The following UBAP1 variants were observed in gnomAD, a reference collection of about 807,000 sequenced individuals.
UBAP1 encodes the protein ubiquitin associated protein 1.
In UBAP1, 5 loss-of-function variants were observed where a neutral mutation model predicts 39.0. The ratio of observed to expected loss-of-function variants is 0.13; its 90% CI spans 0.07 to 0.27. The LOEUF (loss-of-function observed/expected upper bound fraction) is 0.27. UBAP1 is among the 10% of genes least tolerant of loss of function. UBAP1 has a pLI of 1.00. For missense variants in UBAP1, 490 were observed against 608.1 expected, an observed-to-expected ratio of 0.81 and a Z score of 2.04; for synonymous variants, 211 against 225.1, an observed-to-expected ratio of 0.94 and a Z score of 0.56.
intron 3 of UBAP1, among the ~76,000 whole-genome samples, chr9:34,237,968 C>A (rs1833785684): frequency 6.6e-6 from 1 of 152,168 alleles, no homozygotes; most frequent in Non-Finnish European, 1.5e-5. Flanking sequence ...ACATTTTCAT[C>A]ACCCCAAAAG....
intron 1 of UBAP1, among the ~76,000 whole-genome samples, chr9:34,195,738 C>T (rs1398339838): frequency 7.1e-6 from 1 of 141,154 alleles, no homozygotes; most frequent in African/African-American, 2.5e-5. Context: ...GCTGGGATTA[C>T]AGACATGTGC....
intron 1 of UBAP1, among the ~76,000 whole-genome samples, chr9:34,194,160 TTATATTCTCTGGTCATTTTAC>T (rs1419484814): frequency 1.3e-5 from 2 of 152,338 alleles, no homozygotes; most frequent in East Asian, 3.9e-4. Flanking sequence ...CTTCAAATAA[TTATATTCTCTGGTCATTTTAC>T]TAATTTTCTG....
Position 34,250,808 on chromosome 9 carries a change from A to C in UBAP1, c.1368+49A>C, listed in dbSNP as rs79611535. On this transcript the variant is annotated intron_variant, in intron 6 of 6. Coordinates refer to ENST00000297661, the MANE Select transcript of UBAP1 (RefSeq NM_016525.5). ...GAACCCTCTGGAAAAGGAGGGACCA[A>C]GTATCCATCCTGGTTTTCTCCCTTG... 545 of 1,501,108 alleles carry C rather than the reference A, an allele frequency of 3.6e-4. 2 individuals carry two copies. The African/African-American group carries it at 6.3e-3, about 17-fold the overall frequency. The allele number at this position is 1,501,108 out of a possible 1,614,324, so 93.0% of individuals were successfully genotyped here.
intron 2 of UBAP1, among the ~76,000 whole-genome samples, chr9:34,231,763 G>A (rs182593902): frequency 2.2e-4 from 33 of 152,104 alleles, no homozygotes; most frequent in African/African-American, 8.0e-4. Context: ...TTCTGCCTCA[G>A]CCTCCCCAGT....
chr9:34,226,462 C>A (rs1833113380), intron 2 of UBAP1, among the ~76,000 whole-genome samples: 1 of 152,122 alleles, frequency 6.6e-6, no homozygotes, highest in Admixed American at 6.6e-5. Context: ...GTTTTGAACT[C>A]TTGACCTCAG....
intron 1 of UBAP1, among the ~76,000 whole-genome samples, chr9:34,188,330 G>T (rs572229708): frequency 3.3e-4 from 50 of 150,454 alleles, no homozygotes; most frequent in African/African-American, 1.2e-3. Context: ...ACAGAAAAGT[G>T]TAACAGGAAA....
Position 34,220,896 on chromosome 9 carries a change from C to T in UBAP1, c.-7-12C>T. 6.2e-7 allele frequency: 1 copy of T among 1,612,730 alleles called. No individual in the cohort carries two copies. The highest frequency in any genetic ancestry group is 8.5e-7 in the Non-Finnish European group (1 of 1,179,198). On this transcript the variant is annotated splice_polypyrimidine_tract_variant and intron_variant, in intron 1 of 6. Coordinates refer to ENST00000297661, the MANE Select transcript of UBAP1 (RefSeq NM_016525.5). ...GTATAATGTGCCTAAGAAATATTTCCTTGTTTTTCAGGTTCTAAATGGCTT... is the reference window on the plus strand; with the variant it reads ...GTATAATGTGCCTAAGAAATATTTCTTTGTTTTTCAGGTTCTAAATGGCTT...
chr9:34,211,740 T>G (rs1203023488), intron 1 of UBAP1, among the ~76,000 whole-genome samples: 1 of 152,124 alleles, frequency 6.6e-6, no homozygotes, highest in African/African-American at 2.4e-5. Context: ...TTCCCATTCC[T>G]TAACCCATCT....
Position 34,251,476 on chromosome 9 carries a change from A to C in UBAP1, c.1453A>C (p.Asn485His), listed in dbSNP as rs556099212. The C allele has an allele frequency of 6.2e-7, 1 of 1,614,050 alleles. No individual in the cohort carries two copies. The highest frequency in any genetic ancestry group is 1.7e-5 in the Admixed American group (1 of 60,008). Residue 485 changes from asparagine (N) to histidine (H), a missense_variant, in exon 7 of 7, where the codon AAC becomes CAC. Coordinates refer to ENST00000297661, the MANE Select transcript of UBAP1 (RefSeq NM_016525.5). ...KDIKEVLLLH[N>H]NDQDNALEDL... ...CATTAAGGAAGTTTTGCTATTACAC[A>C]ACAATGACCAGGACAATGCTTTGGA...
intron 5 of UBAP1, 31 bp from the exon 6 acceptor site, chr9:34,250,627 T>C: frequency 6.4e-7 from 1 of 1,568,282 alleles, no homozygotes; most frequent in Non-Finnish European, 8.8e-7. Flanking sequence ...AGAGCAGCAG[T>C]AGGTGCTAAA....
chr9:34,212,215 T>G (rs550153770), intron 1 of UBAP1, among the ~76,000 whole-genome samples: 49 of 152,234 alleles, frequency 3.2e-4, no homozygotes, highest in African/African-American at 1.2e-3. Flanking sequence ...TGCACATTTT[T>G]TACATAAGGC....
rs6150983 is a variant in UBAP1 at position 34,231,127 on chromosome 9, ATGTGTGTGTGTGTGTGTGTGTGTGTG to A, written c.35-3065_35-3040del. ...GGGCAAATGTCTCTTTAAAAAAATT[ATGTGTGTGTGTGTGTGTGTGTGTGTG>A]TGTGTGTGTGTGTGTGTGTGTGTTG... On this transcript the variant is annotated intron_variant, in intron 2 of 6. Coordinates refer to ENST00000297661, the MANE Select transcript of UBAP1 (RefSeq NM_016525.5). Among the ~76,000 whole-genome samples the A allele has an allele frequency of 1.0e-4, 14 of 137,120 alleles. No homozygotes were observed. The South Asian group carries it at 2.2e-3, about 21-fold the overall frequency. The allele number at this position is 137,120 out of a possible 152,430, so 90.0% of individuals were successfully genotyped here. A position where few individuals can be genotyped will look rare whatever the true frequency, so the allele number is the denominator to read the frequency against.
At chr9:34,224,501 A>G (rs1382817380) in intron 2 of UBAP1, 2 of 389,738 alleles carry the variant, frequency 5.1e-6, no homozygotes, top group Non-Finnish European at 9.6e-6. Flanking sequence ...GACTGTGTGG[A>G]CGTGGCAGGG....
Position 34,234,309 on chromosome 9 carries a change from C to A in UBAP1, c.128C>A (p.Pro43His), listed in dbSNP as rs752071183. ...KVGLPIGFSL[P>H]DCLQVVREVQ... Reference sequence around the variant, plus strand: ...GGTCTACCTATTGGCTTCTCCTTGCCTGATTGTTTGCAGGTTGTCAGAGAA... The same window carrying A: ...GGTCTACCTATTGGCTTCTCCTTGCATGATTGTTTGCAGGTTGTCAGAGAA... The change falls in exon 3 of 7, where the codon CCT becomes CAT. Residue 43 changes from proline to histidine, a missense_variant. Pro to His is a moderately conservative substitution (Grantham distance 77, BLOSUM62 -2). This residue lies in a region of UBAP1 where 144 missense variants were observed against 184.4 expected (regional missense o/e 0.78). Transcript: ENST00000297661. 5 of 1,609,570 alleles carry A rather than the reference C, an allele frequency of 3.1e-6. No homozygotes were observed. Among genetic ancestry groups the A allele is most frequent in the Non-Finnish European group, 4.2e-6 (5 of 1,179,080 alleles).
intron 1 of UBAP1, among the ~76,000 whole-genome samples, chr9:34,193,702 T>C (rs1033971229): frequency 1.3e-5 from 2 of 152,204 alleles, no homozygotes; most frequent in Non-Finnish European, 2.9e-5. Context: ...GATGAAGGGA[T>C]GCATAGAGCA....
intron 1 of UBAP1, among the ~76,000 whole-genome samples, chr9:34,217,549 G>GT (rs973468731): frequency 3.3e-5 from 5 of 151,084 alleles, no homozygotes; most frequent in Admixed American, 2.0e-4. Flanking sequence ...GGCGGTGGTG[G>GT]TTTTTTTAAT....
At chr9:34,183,753 T>G (rs956647569) in intron 1 of UBAP1, among the ~76,000 whole-genome samples, 2 of 127,526 alleles carry the variant, frequency 1.6e-5, no homozygotes, top group African/African-American at 5.0e-5. Flanking sequence ...TTTCAGAATT[T>G]CTTTTTTTTT....
rs766374782 is a variant in UBAP1 at position 34,241,266 on chromosome 9, T to C, written c.241T>C (p.Cys81Arg). The change falls in exon 4 of 7, where the codon TGC (cysteine) becomes CGC (arginine). Residue 81 changes from cysteine (C) to arginine (R), a missense_variant. Coordinates refer to ENST00000297661, the MANE Select transcript of UBAP1 (RefSeq NM_016525.5). The stretch of plus-strand genomic sequence containing the variant: ...CGAAGAAGCCGAGCGGGAAGCAGAG[T>C]GCAAAATTGCGGAAGCAGAAGCTAA... ...KIEEAEREAE[C>R]KIAEAEAKVN... is the part of the protein sequence containing the mutation. 1 of 1,507,168 alleles carries C rather than the reference T, an allele frequency of 6.6e-7. No individual in the cohort carries two copies. Among genetic ancestry groups the C allele is most frequent in the Non-Finnish European group, 8.9e-7 (1 of 1,129,298 alleles). 93.4% of individuals were successfully genotyped at this position (1,507,168 alleles called of 1,614,324 possible).
intron 1 of UBAP1, among the ~76,000 whole-genome samples, chr9:34,196,898 TTGTGTG>T (rs777008697): frequency 0.013 from 1,829 of 141,416 alleles, 15 homozygotes; most frequent in Admixed American, 0.018. Context: ...ATATTGTTAT[TTGTGTG>T]TGTGTGTGTG....
Sources: allele counts gnomAD v4.1 joint callset (sites outside exome capture counted in the v4.1 genomes callset), GRCh38; gene constraint gnomAD v4.1.1; regional missense constraint gnomAD v4.1.1; transcripts MANE v1.5; gene names NCBI Gene and HGNC (gene_info 2026-07-23, HGNC 2026-07-21).